The following LINGO2 variants were observed in gnomAD, a reference collection of about 807,000 sequenced individuals.
LINGO2 encodes the protein leucine rich repeat and Ig domain containing 2.
A neutral mutation model predicts 30.6 loss-of-function variants in LINGO2; 14 were observed. The observed-to-expected ratio is 0.46, with a 90% CI of 0.30 to 0.72. The LOEUF is 0.72. LINGO2 is among the 30% of genes least tolerant of loss of function. The pLI is 0.07. For missense variants in LINGO2, 729 were observed against 751.7 expected (o/e 0.97, Z 0.35); for synonymous variants, 317 against 288.5 (o/e 1.10, Z -1.00).
chr9:28,189,672 GA>G (rs1819734984), intron 4 of LINGO2, among the ~76,000 whole-genome samples: 1 of 89,338 alleles, frequency 1.1e-5, no homozygotes, highest in Non-Finnish European at 2.5e-5. Flanking sequence ...AGGAAGGGAG[GA>G]AGGAAGGAAG....
At chr9:29,001,333 A>G in the LINGO2 span, among the ~76,000 whole-genome samples, 835 of 152,006 alleles carry the variant, frequency 5.5e-3, 12 homozygotes, top group African/African-American at 0.019. Flanking sequence ...CTATAATACA[A>G]TTTTTGGTAG....
At chr9:29,177,238 GCA>G in the LINGO2 span, among the ~76,000 whole-genome samples, 1 of 152,094 alleles carries the variant, frequency 6.6e-6, no homozygotes, top group Non-Finnish European at 1.5e-5. Flanking sequence ...TAATTTTATA[GCA>G]CTTCTAGATT....
At chr9:29,147,002 T>A in the LINGO2 span, among the ~76,000 whole-genome samples, 19 of 152,156 alleles carry the variant, frequency 1.2e-4, no homozygotes, top group Non-Finnish European at 2.5e-4. Flanking sequence ...AAAATTAGGA[T>A]AATTTTCACG....
the LINGO2 span, among the ~76,000 whole-genome samples, chr9:29,066,809 T>G: frequency 6.6e-6 from 1 of 151,904 alleles, no homozygotes; most frequent in Non-Finnish European, 1.5e-5. Context: ...CTTCACTCTT[T>G]AGCATTTGTT....
chr9:28,804,585 A>T, the LINGO2 span, among the ~76,000 whole-genome samples: 284 of 152,200 alleles, frequency 1.9e-3, 1 homozygote, highest in Non-Finnish European at 3.4e-3. Flanking sequence ...CAGATCTGGA[A>T]TAGGACAATA....
At chr9:28,520,610 C>A (rs1466750185) in intron 1 of LINGO2, among the ~76,000 whole-genome samples, 1 of 152,058 alleles carries the variant, frequency 6.6e-6, no homozygotes, top group Non-Finnish European at 1.5e-5. Context: ...TATGTTATTT[C>A]TTTTATTCAT....
intron 4 of LINGO2, among the ~76,000 whole-genome samples, chr9:28,041,665 T>C (rs943576575): frequency 5.3e-5 from 8 of 152,186 alleles, no homozygotes; most frequent in African/African-American, 2.4e-5. Flanking sequence ...ATTTATATAT[T>C]TGATCTAATC....
intron 3 of LINGO2, among the ~76,000 whole-genome samples, chr9:28,359,463 C>T (rs1820358636): frequency 6.6e-6 from 1 of 152,178 alleles, no homozygotes; most frequent in South Asian, 2.1e-4. Context: ...ACACCACACA[C>T]ATACCTGCCC....
chr9:28,952,167 T>C, the LINGO2 span, among the ~76,000 whole-genome samples: 2 of 151,990 alleles, frequency 1.3e-5, no homozygotes, highest in South Asian at 4.2e-4. Context: ...AGTGGTCACT[T>C]GGTACAGGAA....
chr9:28,324,238 A>T (rs973312339), intron 3 of LINGO2, among the ~76,000 whole-genome samples: 2 of 152,088 alleles, frequency 1.3e-5, no homozygotes, highest in Non-Finnish European at 2.9e-5. Context: ...TGGTGTTTTT[A>T]AAAAAATAAT....
chr9:28,898,158 T>C, the LINGO2 span, among the ~76,000 whole-genome samples: 2 of 152,190 alleles, frequency 1.3e-5, no homozygotes, highest in African/African-American at 4.8e-5. Flanking sequence ...CACTGAAATA[T>C]AATTGTCTTT....
Position 28,129,561 on chromosome 9 carries a change from T to TC in LINGO2, c.-86-117157dup, listed in dbSNP as rs1459390328. On this transcript the variant is annotated intron_variant, in intron 4 of 5. Transcript: ENST00000379992. The surrounding 1 kb of genome is among the most constrained non-coding windows in gnomAD (Gnocchi z 4.0). ...CCATGTGAATGGATCTAGGATTACT[T>TC]CCCTGACTCTTCCCAACTCACTTGA... The TC allele has an allele frequency of 6.6e-6, 1 of 152,192 alleles. No individual in the cohort carries two copies. The highest frequency in any genetic ancestry group is 1.5e-5 in the Non-Finnish European group (1 of 68,046). The allele number at this position is 152,192 out of a possible 1,614,324, so 9.4% of individuals were successfully genotyped here. A position where few individuals can be genotyped will look rare whatever the true frequency, so the allele number is the denominator to read the frequency against.
chr9:29,009,756 A>G, the LINGO2 span, among the ~76,000 whole-genome samples: 2 of 152,196 alleles, frequency 1.3e-5, no homozygotes, highest in African/African-American at 4.8e-5. Flanking sequence ...AGCTGGAGGC[A>G]TCATGCTACC....
chr9:28,036,272 T>C (rs1280698760), intron 4 of LINGO2, among the ~76,000 whole-genome samples: 1 of 152,166 alleles, frequency 6.6e-6, no homozygotes, highest in African/African-American at 2.4e-5. Flanking sequence ...CTGTTCACAA[T>C]CTTGTTACCA....
intron 1 of LINGO2, among the ~76,000 whole-genome samples, chr9:28,588,676 G>T (rs1295052536): frequency 6.6e-6 from 1 of 151,968 alleles, no homozygotes; most frequent in African/African-American, 2.4e-5. Flanking sequence ...ATATAAGAGG[G>T]AGTCAAGGCT....
At chr9:28,086,555 T>C (rs1375980266) in intron 4 of LINGO2, among the ~76,000 whole-genome samples, 2 of 151,978 alleles carry the variant, frequency 1.3e-5, no homozygotes, top group Non-Finnish European at 2.9e-5. Context: ...TCCTGCCTAA[T>C]GAAAGGGGAA....
At chr9:27,994,874 C>CA (rs1821580004) in intron 5 of LINGO2, among the ~76,000 whole-genome samples, 5 of 152,144 alleles carry the variant, frequency 3.3e-5, no homozygotes, top group Non-Finnish European at 7.4e-5. Flanking sequence ...AAGCAGCTTG[C>CA]AGCTTGCTTT....
chr9:28,714,800 G>A, the LINGO2 span, among the ~76,000 whole-genome samples: 2 of 151,962 alleles, frequency 1.3e-5, no homozygotes, highest in African/African-American at 4.8e-5. Context: ...TTACTTAAAT[G>A]TTTCATAATT....
At chr9:28,673,072 T>TA (rs1829083034), upstream of LINGO2, among the ~76,000 whole-genome samples, 5 of 152,164 alleles carry the variant, frequency 3.3e-5, no homozygotes, top group African/African-American at 1.2e-4. Context: ...TTGATAAAAC[T>TA]TACAATAGCA....
Sources: allele counts gnomAD v4.1 joint callset (sites outside exome capture counted in the v4.1 genomes callset), GRCh38; gene constraint gnomAD v4.1.1; non-coding constraint Gnocchi (gnomAD v3.1); transcripts MANE v1.5; gene names NCBI Gene and HGNC (gene_info 2026-07-23, HGNC 2026-07-21).